The following NUP153 variants were observed in gnomAD, a reference collection of about 807,000 sequenced individuals.
The protein encoded by NUP153 is nuclear pore complex protein Nup153.
NUP153 carries 27 observed loss-of-function variants against 134.6 expected under a neutral mutation model. The ratio of observed to expected loss-of-function variants is 0.20; its 90% CI spans 0.15 to 0.28. The LOEUF (loss-of-function observed/expected upper bound fraction) is 0.28. Ranked by LOEUF, NUP153 falls within the 10% of genes least tolerant of loss-of-function variation. The pLI is 1.00. For missense variants in NUP153, 1,821 were observed against 1,731.3 expected, an observed-to-expected ratio of 1.05 and a Z score of -0.92; for synonymous variants, 640 against 623.5, an observed-to-expected ratio of 1.03 and a Z score of -0.40.
At chr6:17,686,153 AAAAG>A (rs142756581) in intron 2 of NUP153, among the ~76,000 whole-genome samples, 124,850 of 149,390 alleles carry the variant, frequency 0.84, 52,691 homozygotes, top group Middle Eastern at 0.93. Context: ...GTCTTTAAAA[AAAAG>A]AAAGAAAGAA....
In NUP153 at chr6:17,703,074, T is replaced by C. The variant is rs563210427; in HGVS notation, c.111+3203A>G. ...TTAGCCGGGCGTGGTGGCGCATGCC[T>C]GTAATCCCAACTACTTGGGAGGCTG... On this transcript the variant is annotated intron_variant, in intron 1 of 21. Transcript: ENST00000262077. 2.3e-3 allele frequency among the ~76,000 whole-genome samples: 321 copies of C among 137,762 alleles called. 1 individual carries two copies. The highest frequency in any genetic ancestry group is 7.9e-3 in the African/African-American group (297 of 37,814). The allele number at this position is 137,762 out of a possible 152,430, so 90.4% of individuals were successfully genotyped here.
intron 2 of NUP153, among the ~76,000 whole-genome samples, chr6:17,687,931 G>A (rs1373537151): frequency 6.6e-6 from 1 of 151,910 alleles, no homozygotes; most frequent in Non-Finnish European, 1.5e-5. Flanking sequence ...TGGCTAACAC[G>A]GTGAAACCCC....
intron 2 of NUP153, among the ~76,000 whole-genome samples, chr6:17,676,028 T>A (rs1417299423): frequency 3.3e-5 from 5 of 152,176 alleles, no homozygotes; most frequent in Non-Finnish European, 7.3e-5. Context: ...AATACAACTA[T>A]TTTTTGCCAG....
chr6:17,674,043 A>C (rs888361258), intron 5 of NUP153, among the ~76,000 whole-genome samples: 1 of 152,236 alleles, frequency 6.6e-6, no homozygotes, highest in African/African-American at 2.4e-5. Context: ...TGGATCTCAA[A>C]TGCATTATGC....
intron 13 of NUP153, 92 bp from the exon 14 acceptor site, chr6:17,646,246 C>CTCGGG: frequency 1.6e-6 from 1 of 617,410 alleles, no homozygotes; most frequent in African/African-American, 1.9e-5. Context: ...CTTACTCTGT[C>CTCGGG]GCCCAGGCTG....
At chr6:17,630,505 C>T (rs1053437909) in intron 17 of NUP153, among the ~76,000 whole-genome samples, 14 of 151,526 alleles carry the variant, frequency 9.2e-5, no homozygotes, top group African/African-American at 3.4e-4. Context: ...ACTAAAAATA[C>T]AAAAAAAATC....
rs1051757215 is a variant in NUP153 at position 17,616,474 on chromosome 6, T to G, written c.4343+53A>C. ...GACTTTTAAAAACAAAACATATACATGCACATACCCTTACCAATGTAACTT... is the reference window on the plus strand; with the variant it reads ...GACTTTTAAAAACAAAACATATACAGGCACATACCCTTACCAATGTAACTT... On this transcript the variant is annotated intron_variant, in intron 21 of 21. Coordinates refer to ENST00000262077, the MANE Select transcript of NUP153 (RefSeq NM_005124.4). 6 of 1,476,888 alleles carry G rather than the reference T, an allele frequency of 4.1e-6. No individual in the cohort carries two copies. The African/African-American group carries it at 5.7e-5, about 14-fold the overall frequency. The allele number at this position is 1,476,888 out of a possible 1,614,324, so 91.5% of individuals were successfully genotyped here.
At chr6:17,672,440 G>A (rs749131881) in intron 5 of NUP153, among the ~76,000 whole-genome samples, 3 of 152,020 alleles carry the variant, frequency 2.0e-5, no homozygotes, top group Non-Finnish European at 2.9e-5. Context: ...GCTGGGAATG[G>A]TGGCACACGC....
chr6:17,669,596 A>G (rs367667783), intron 5 of NUP153, 50 bp from the exon 6 acceptor site: 3 of 1,219,512 alleles, frequency 2.5e-6, no homozygotes, highest in East Asian at 2.3e-5. Flanking sequence ...TCTAAGGCAC[A>G]TATTTCATGC....
intron 1 of NUP153, among the ~76,000 whole-genome samples, chr6:17,702,033 G>C (rs557893189): frequency 6.6e-6 from 1 of 151,796 alleles, no homozygotes; most frequent in South Asian, 2.1e-4. Context: ...GGTGGCAGTA[G>C]GTTCTGGTTT....
intron 16 of NUP153, among the ~76,000 whole-genome samples, chr6:17,635,013 A>T (rs188399427): frequency 6.6e-6 from 1 of 152,038 alleles, no homozygotes; most frequent in East Asian, 1.9e-4. Context: ...AGAATCTCAT[A>T]ATGTTTTAGA....
At chr6:17,664,126 G>C (rs571775412) in intron 9 of NUP153, among the ~76,000 whole-genome samples, 1 of 151,896 alleles carries the variant, frequency 6.6e-6, no homozygotes, top group East Asian at 1.9e-4. Flanking sequence ...GCCATAAAAA[G>C]GGAAAAAATG....
intron 14 of NUP153, among the ~76,000 whole-genome samples, chr6:17,641,031 T>G (rs1253823948): frequency 6.6e-6 from 1 of 152,164 alleles, no homozygotes. Flanking sequence ...ATGAGTGACT[T>G]ACTGCTTTTA....
intron 20 of NUP153, among the ~76,000 whole-genome samples, chr6:17,619,898 G>A (rs984607223): frequency 2.0e-5 from 3 of 152,000 alleles, no homozygotes; most frequent in Non-Finnish European, 2.9e-5. Flanking sequence ...AGGAGTTCGA[G>A]ACCAGCGTGG....
chr6:17,672,358 G>A (rs1014602692), intron 5 of NUP153, among the ~76,000 whole-genome samples: 14 of 152,056 alleles, frequency 9.2e-5, no homozygotes, highest in East Asian at 5.8e-4. Flanking sequence ...CAGGAGGATC[G>A]CTTGAGCCCA....
In NUP153 at chr6:17,637,211, G is replaced by C. The variant is rs753262201; in HGVS notation, c.2406C>G (p.Cys802Trp). The C allele has an allele frequency of 6.2e-7, 1 of 1,614,116 alleles. No individual in the cohort carries two copies. Residue 802 changes from cysteine (C) to tryptophan (W), a missense_variant, in exon 16 of 22, where the codon TGC becomes TGG. Cys to Trp is a radical substitution (Grantham distance 215). Coordinates refer to ENST00000262077, the MANE Select transcript of NUP153 (RefSeq NM_005124.4). ...TGTCTTCTGCATTATTAGAAACACA[G>C]CATACTGAACACTCCCAAGATCCAA... The part of the protein sequence containing the change: ...RPIGSWECSV[C>W]CVSNNAEDNK...
intron 5 of NUP153, among the ~76,000 whole-genome samples, chr6:17,673,746 T>C (rs1233386451): frequency 1.3e-5 from 2 of 152,176 alleles, no homozygotes; most frequent in Non-Finnish European, 2.9e-5. Flanking sequence ...AACTCTTATA[T>C]TACCAGTCAG....
intron 5 of NUP153, among the ~76,000 whole-genome samples, chr6:17,671,663 A>G (rs191728942): frequency 6.3e-4 from 96 of 152,288 alleles, no homozygotes; most frequent in Non-Finnish European, 1.1e-3. Context: ...GGAAGACTCA[A>G]TTTTGTTAAG....
chr6:17,616,392 G>A (rs1178314156), intron 21 of NUP153, 135 bp downstream of exon 21: 1 of 861,034 alleles, frequency 1.2e-6, no homozygotes, highest in Non-Finnish European at 1.8e-6. Context: ...ATTATAGTAT[G>A]GTAAATTTAT....
Sources: gnomAD v4.1 joint callset for allele counts (sites outside exome capture counted in the v4.1 genomes callset) on GRCh38, gnomAD v4.1.1 for gene constraint, MANE v1.5 for transcripts, NCBI Gene and HGNC (gene_info 2026-07-23, HGNC 2026-07-21) for gene names.